RNF38: variants seen among roughly 807,000 people sequenced by gnomAD.
The protein encoded by RNF38 is E3 ubiquitin-protein ligase RNF38.
A neutral mutation model predicts 67.2 loss-of-function variants in RNF38; 15 were observed. The observed-to-expected ratio is 0.22, with a 90% CI of 0.15 to 0.34. RNF38 has a LOEUF of 0.34. RNF38 is among the 10% of genes least tolerant of loss of function. RNF38 has a pLI of 1.00. For synonymous variants in RNF38, 220 were observed against 218.8 expected (o/e 1.01, Z -0.05); for missense variants, 524 against 639.9 (o/e 0.82, Z 1.95).
At chr9:36,384,315 C>T (rs1417573897) in intron 2 of RNF38, among the ~76,000 whole-genome samples, 3 of 152,132 alleles carry the variant, frequency 2.0e-5, no homozygotes, top group South Asian at 2.1e-4. Context: ...AGAGATACCC[C>T]GCCTGGAGGT....
chr9:36,391,297 T>C lies in RNF38; in HGVS notation c.13-681A>G, dbSNP rs140337971. ...CAAGGTGGGAGGATCGCCCCAGTTATCTACAAAAATTAAAAAACAAAAATA... is the reference window on the plus strand; with the variant it reads ...CAAGGTGGGAGGATCGCCCCAGTTACCTACAAAAATTAAAAAACAAAAATA... On this transcript the variant is annotated intron_variant, in intron 1 of 11. Transcript: ENST00000259605. 6.9e-3 allele frequency among the ~76,000 whole-genome samples: 1,050 copies of C among 152,254 alleles called. 13 individuals are homozygous for C. The highest frequency in any genetic ancestry group is 0.024 in the African/African-American group (984 of 41,528).
At chr9:36,359,876 G>A (rs1834394985) in intron 4 of RNF38, among the ~76,000 whole-genome samples, 1 of 151,530 alleles carries the variant, frequency 6.6e-6, no homozygotes, top group Non-Finnish European at 1.5e-5. Flanking sequence ...CCCGCCCCGA[G>A]TAGCTGGGAC....
At chr9:36,473,164 ATAAAGAGAATCCAG>A (rs1564076359) in intron 1 of RNF38, among the ~76,000 whole-genome samples, 2 of 151,942 alleles carry the variant, frequency 1.3e-5, no homozygotes, top group African/African-American at 4.8e-5. Context: ...AAATAAAAAA[ATAAAGAGAATCCAG>A]TGCTGGGCAC....
chr9:36,366,010 G>A (rs1416920158), intron 4 of RNF38, among the ~76,000 whole-genome samples: 38 of 151,810 alleles, frequency 2.5e-4, no homozygotes, highest in Non-Finnish European at 4.4e-5. Context: ...TTTTTTCAGT[G>A]GTATTTTTTC....
rs181732454 is a variant in RNF38, at chr9:36,394,965, T to A, written c.13-4349A>T. The stretch of plus-strand genomic sequence containing the variant: ...AATGCAACCTGTATTTAAAAAGTCC[T>A]GCCAAGGAAACATCCTGAGACCACA... On this transcript the variant is annotated intron_variant, in intron 1 of 11. Coordinates refer to ENST00000259605, the MANE Select transcript of RNF38 (RefSeq NM_022781.5). Among the ~76,000 whole-genome samples, 17 of 152,344 alleles carry A rather than the reference T, an allele frequency of 1.1e-4. No individual in the cohort carries two copies. The East Asian group carries it at 3.3e-3, about 29-fold the overall frequency.
At chr9:36,341,777 T>G (rs992077446) in intron 11 of RNF38, among the ~76,000 whole-genome samples, 1 of 32,274 alleles carries the variant, frequency 3.1e-5, no homozygotes, top group East Asian at 8.2e-4. Flanking sequence ...GGTGACACAC[T>G]GAGACCCTGT....
At chr9:36,440,721 G>A (rs138735816) in intron 1 of RNF38, among the ~76,000 whole-genome samples, 2 of 152,312 alleles carry the variant, frequency 1.3e-5, no homozygotes, top group East Asian at 3.9e-4. Context: ...CAATGGAACT[G>A]AGGACACATT....
intron 1 of RNF38, among the ~76,000 whole-genome samples, chr9:36,459,925 C>A (rs1667503758): frequency 6.6e-6 from 1 of 151,576 alleles, no homozygotes; most frequent in Non-Finnish European, 1.5e-5. Context: ...GTATTTTACA[C>A]CTATGCATTT....
chr9:36,381,253 T>C (rs1371068263), intron 2 of RNF38, among the ~76,000 whole-genome samples: 2 of 152,314 alleles, frequency 1.3e-5, no homozygotes, highest in East Asian at 3.9e-4. Context: ...TGGAAGGATA[T>C]TCCCACTGCT....
chr9:36,458,598 G>A (rs757865684), intron 1 of RNF38, among the ~76,000 whole-genome samples: 17 of 151,952 alleles, frequency 1.1e-4, no homozygotes, highest in Non-Finnish European at 1.6e-4. Flanking sequence ...CACTCACTGC[G>A]AAGATCTGCG....
At chr9:36,478,539 C>T (rs1365593129) in intron 1 of RNF38, among the ~76,000 whole-genome samples, 1 of 150,160 alleles carries the variant, frequency 6.7e-6, no homozygotes, top group East Asian at 1.9e-4. Context: ...AAAGATTGGC[C>T]GGGCACGGTG....
intron 1 of RNF38, among the ~76,000 whole-genome samples, chr9:36,444,389 C>T (rs546208975): frequency 5.3e-5 from 8 of 152,158 alleles, no homozygotes; most frequent in Non-Finnish European, 8.8e-5. Context: ...TTAATCTGTG[C>T]TGCAAACCAC....
chr9:36,447,313 AAAGTTGCTTGAGAGCAG>A (rs1249491216), intron 1 of RNF38, among the ~76,000 whole-genome samples: 1 of 152,088 alleles, frequency 6.6e-6, no homozygotes, highest in African/African-American at 2.4e-5. Context: ...TTCTAGACCA[AAAGTTGCTTGAGAGCAG>A]AAGCCATGAC....
intron 10 of RNF38, among the ~76,000 whole-genome samples, chr9:36,343,522 C>T (rs1367110386): frequency 6.6e-6 from 1 of 151,920 alleles, no homozygotes; most frequent in Non-Finnish European, 1.5e-5. Flanking sequence ...GATCATTAGC[C>T]ATCAGGGAAA....
intron 10 of RNF38, among the ~76,000 whole-genome samples, chr9:36,343,731 A>T (rs1833015132): frequency 6.6e-6 from 1 of 152,210 alleles, no homozygotes; most frequent in African/African-American, 2.4e-5. Context: ...CCATAAAAAG[A>T]AATGACTTAC....
chr9:36,397,339 C>G (rs146710696), intron 1 of RNF38, among the ~76,000 whole-genome samples: 93 of 152,112 alleles, frequency 6.1e-4, no homozygotes, highest in African/African-American at 2.1e-3. Context: ...GTTTCAAACT[C>G]CTGACCTCAG....
chr9:36,383,942 T>C (rs1836401864), intron 2 of RNF38, among the ~76,000 whole-genome samples: 1 of 152,182 alleles, frequency 6.6e-6, no homozygotes, highest in African/African-American at 2.4e-5. Context: ...TTTCCTATCA[T>C]TGGCTATAAC....
At chr9:36,470,157 T>C (rs922064496) in intron 1 of RNF38, among the ~76,000 whole-genome samples, 3 of 152,096 alleles carry the variant, frequency 2.0e-5, no homozygotes, top group African/African-American at 4.8e-5. Flanking sequence ...CCCCACCCAG[T>C]GAGGTGAATC....
At chr9:36,381,753 C>T (rs1836228121) in intron 2 of RNF38, among the ~76,000 whole-genome samples, 1 of 152,196 alleles carries the variant, frequency 6.6e-6, no homozygotes, top group Admixed American at 6.5e-5. Flanking sequence ...ACAATGTATA[C>T]TTTCCATGTA....
Sources: gnomAD v4.1 joint callset for allele counts (sites outside exome capture counted in the v4.1 genomes callset) on GRCh38, gnomAD v4.1.1 for gene constraint, MANE v1.5 for transcripts, NCBI Gene and HGNC (gene_info 2026-07-23, HGNC 2026-07-21) for gene names.